The following PNPLA7 variants were observed in gnomAD, a reference collection of about 807,000 sequenced individuals.
PNPLA7 encodes patatin-like phospholipase domain-containing protein 7.
PNPLA7 carries 153 observed loss-of-function variants against 161.7 expected under a neutral mutation model. The ratio of observed to expected loss-of-function variants is 0.95; its 90% CI spans 0.83 to 1.08. The LOEUF (loss-of-function observed/expected upper bound fraction) is 1.08, where lower values mean the gene tolerates loss of function less well. PNPLA7 is among the 50% of genes least tolerant of loss of function. The probability of loss-of-function intolerance (pLI) is 0.00; values close to 1 mark genes in which losing one functional copy is unlikely to be tolerated. For missense variants in PNPLA7, 1,739 were observed against 1,856.6 expected (o/e 0.94, Z 1.16); for synonymous variants, 809 against 782.1 (o/e 1.03, Z -0.57).
chr9:137,527,335 G>T (rs1835355329), intron 8 of PNPLA7, among the ~76,000 whole-genome samples: 1 of 151,068 alleles, frequency 6.6e-6, no homozygotes, highest in Non-Finnish European at 1.5e-5. Context: ...TGGCTTGTTC[G>T]CAATCTTCAA....
In PNPLA7 at chr9:137,490,044, C is replaced by T. The variant is rs1310640813; in HGVS notation, c.2197+2969G>A. Among the ~76,000 whole-genome samples the T allele has an allele frequency of 1.3e-5, 2 of 152,216 alleles. No individual in the cohort carries two copies. Among genetic ancestry groups the T allele is most frequent in the East Asian group, 3.8e-4 (2 of 5,200 alleles). On this transcript the variant is annotated intron_variant, in intron 20 of 34. Transcript: ENST00000406427. This position sits in a 1 kb window ranked among gnomAD's most constrained non-coding sequence, Gnocchi z 4.1. Reference sequence around the variant, plus strand: ...AGGACAGATCCAAAGTATTCATGCTCAGACACTTCCAAATCACATTTCTGA... The same window carrying T: ...AGGACAGATCCAAAGTATTCATGCTTAGACACTTCCAAATCACATTTCTGA...
intron 34 of PNPLA7, 38 bp downstream of exon 34, chr9:137,460,596 G>C (rs2132040783): frequency 6.2e-7 from 1 of 1,601,644 alleles, no homozygotes. Flanking sequence ...CCAAGGCTCA[G>C]CTGTGGGCAC....
At position 137,480,529 on chromosome 9, in the gene PNPLA7, T is replaced by C. The variant is rs754986874; in HGVS notation, c.2412-49A>G. 5.2e-6 allele frequency: 8 copies of C among 1,552,708 alleles called. No homozygotes were observed. The African/African-American group carries it at 8.2e-5, about 16-fold the overall frequency. On this transcript the variant is annotated intron_variant, in intron 22 of 34. Transcript: ENST00000406427. ...TCACTACTCCGCAGGGGCCTGGCACTCTTAGCACATGTCCCCGGGGCAAAG... is the reference window on the plus strand; with the variant it reads ...TCACTACTCCGCAGGGGCCTGGCACCCTTAGCACATGTCCCCGGGGCAAAG...
chr9:137,545,933 C>T (rs1836493425), intron 4 of PNPLA7, among the ~76,000 whole-genome samples: 2 of 152,088 alleles, frequency 1.3e-5, no homozygotes, highest in Admixed American at 6.6e-5. Flanking sequence ...GAAAGGGAGT[C>T]TCCCTTTCCC....
rs768709214 is a variant in PNPLA7 at position 137,543,679 on chromosome 9, T to TG, written c.365+44dup. The TG allele has an allele frequency of 5.6e-6, 9 of 1,611,762 alleles. No homozygotes were observed. The highest frequency in any genetic ancestry group is 5.3e-5 in the African/African-American group (4 of 74,864). On this transcript the variant is annotated intron_variant, in intron 5 of 34. Coordinates refer to ENST00000406427, the MANE Select transcript of PNPLA7 (RefSeq NM_001098537.3). The surrounding 1 kb of genome is among the most constrained non-coding windows in gnomAD (Gnocchi z 6.9). ...CTCAGGGTTGGGGAGGCCAGCACCA[T>TG]GGGGGGCACCTGGGGCAGGATGTGG...
At chr9:137,497,377 A>T in intron 17 of PNPLA7, 67 bp from the exon 18 acceptor site, 2 of 1,373,214 alleles carry the variant, frequency 1.5e-6, no homozygotes, top group African/African-American at 3.0e-5. Context: ...CAGCTTCCCA[A>T]TGCCAGACAG....
At chr9:137,516,645 C>A (rs1834587148) in intron 11 of PNPLA7, 1 of 452,110 alleles carries the variant, frequency 2.2e-6, no homozygotes, top group Admixed American at 6.4e-5. Context: ...GCCATCTTTA[C>A]AAAAATTTAA....
chr9:137,492,395 G>A (rs1045461878), intron 20 of PNPLA7: 1 of 919,790 alleles, frequency 1.1e-6, no homozygotes, highest in African/African-American at 1.8e-5. Flanking sequence ...TTCCTCCAGT[G>A]CTGCCCACAT....
intron 8 of PNPLA7, among the ~76,000 whole-genome samples, chr9:137,525,474 G>A (rs1018328317): frequency 1.1e-4 from 16 of 152,176 alleles, no homozygotes; most frequent in Non-Finnish European, 2.1e-4. Flanking sequence ...CCAGCGATAC[G>A]TAAGGTCACG....
At chr9:137,521,417 A>G (rs2132482496) in intron 10 of PNPLA7, among the ~76,000 whole-genome samples, 1 of 152,318 alleles carries the variant, frequency 6.6e-6, no homozygotes, top group South Asian at 2.1e-4. Flanking sequence ...GCCCCAGGAG[A>G]ATCAAGCCTC....
Position 137,540,634 on chromosome 9 carries a change from G to T in PNPLA7, c.747+8C>A. ...GGCGCCCGGAGGGCCAGGCAGCGGG[G>T]GACTCACGGTGATGATGTCCAGGAT... is the stretch of plus-strand genomic sequence containing the variant. On this transcript the variant is annotated splice_region_variant and intron_variant, in intron 8 of 34. Transcript: ENST00000406427. This position sits in a 1 kb window ranked among gnomAD's most constrained non-coding sequence, Gnocchi z 5.1. 1 of 1,607,798 alleles carries T rather than the reference G, an allele frequency of 6.2e-7. No homozygotes were observed.
chr9:137,466,268 C>G (rs1176226075), intron 26 of PNPLA7, among the ~76,000 whole-genome samples: 1 of 152,230 alleles, frequency 6.6e-6, no homozygotes, highest in Non-Finnish European at 1.5e-5. Flanking sequence ...TTTCCACAAT[C>G]CTGGCATCCA....
chr9:137,526,441 T>C (rs1835307083), intron 8 of PNPLA7, among the ~76,000 whole-genome samples: 1 of 151,892 alleles, frequency 6.6e-6, no homozygotes, highest in Non-Finnish European at 1.5e-5. Context: ...CCATGCCAGG[T>C]TAATGTTTTG....
At position 137,540,758 on chromosome 9, in the gene PNPLA7, T is replaced by C. The variant is rs1836154510; in HGVS notation, c.667-36A>G. 1.3e-6 allele frequency: 2 copies of C among 1,582,872 alleles called. No homozygotes were observed. Among genetic ancestry groups the C allele is most frequent in the Non-Finnish European group, 1.7e-6 (2 of 1,162,836 alleles). ...AGAGCAGAGTGGGTGCCGTCAGGTC[T>C]GGGGCTGCGACCGCGGGGCCTGGCG... On this transcript the variant is annotated intron_variant, in intron 7 of 34. Transcript: ENST00000406427. This position sits in a 1 kb window ranked among gnomAD's most constrained non-coding sequence, Gnocchi z 5.1.
At chr9:137,473,057 A>T (rs193275770) in intron 25 of PNPLA7, among the ~76,000 whole-genome samples, 9 of 152,336 alleles carry the variant, frequency 5.9e-5, no homozygotes, top group Non-Finnish European at 1.3e-4. Flanking sequence ...CACATCTTAC[A>T]TGGTGGCAGG....
At chr9:137,504,095 GGAAGAAGAAGAAAGAAA>G (rs1287367736) in intron 14 of PNPLA7, among the ~76,000 whole-genome samples, 10 of 141,878 alleles carry the variant, frequency 7.0e-5, no homozygotes, top group Non-Finnish European at 1.1e-4. Context: ...GGAAGAAGAA[GGAAGAAGAAGAAAGAAA>G]GAAGAAGAAG....
chr9:137,492,898 C>T (rs1832847705), intron 20 of PNPLA7, 115 bp downstream of exon 20: 1 of 873,562 alleles, frequency 1.1e-6, no homozygotes, highest in Admixed American at 2.2e-5. Flanking sequence ...GTGGGCAGGG[C>T]TCCAGGACAG....
intron 20 of PNPLA7, among the ~76,000 whole-genome samples, chr9:137,489,997 C>A (rs1304172371): frequency 1.3e-5 from 2 of 152,162 alleles, no homozygotes; most frequent in African/African-American, 4.8e-5. Context: ...ACCTACGGGT[C>A]CAAGACGAAG....
At chr9:137,495,405 T>G (rs1422081886) in intron 18 of PNPLA7, among the ~76,000 whole-genome samples, 1 of 151,644 alleles carries the variant, frequency 6.6e-6, no homozygotes, top group Non-Finnish European at 1.5e-5. Flanking sequence ...AAGGGCAGCC[T>G]CAGCTCTCCC....
Sources: allele counts gnomAD v4.1 joint callset (sites outside exome capture counted in the v4.1 genomes callset), GRCh38; gene constraint gnomAD v4.1.1; non-coding constraint Gnocchi (gnomAD v3.1); transcripts MANE v1.5; gene names NCBI Gene and HGNC (gene_info 2026-07-23, HGNC 2026-07-21).